The following CEP95 variants were observed in gnomAD, a reference collection of about 807,000 sequenced individuals.
The protein encoded by CEP95 is centrosomal protein 95, also known as centrosomal protein of 95 kDa.
CEP95 carries 98 observed loss-of-function variants against 111.2 expected under a neutral mutation model. That is an observed-to-expected ratio of 0.88 (90% CI 0.75 to 1.04). The LOEUF is 1.04. Among genes scored for constraint, CEP95 ranks in the 50% least tolerant of loss-of-function variants. CEP95 has a pLI of 0.00. For missense variants in CEP95, 1,027 were observed against 977.2 expected (o/e 1.05, Z -0.68); for synonymous variants, 323 against 327.1 (o/e 0.99, Z 0.14).
intron 5 of CEP95, 68 bp downstream of exon 5, chr17:64,516,896 A>C (rs1428699504): frequency 1.1e-6 from 1 of 874,878 alleles, no homozygotes. Context: ...TTAAAATCAC[A>C]CGTAATATAC....
rs561799585 is a variant in CEP95 at position 64,532,032 on chromosome 17, A to G, written c.1672+10A>G. On this transcript the variant is annotated intron_variant, in intron 14 of 19. Transcript: ENST00000556440. ...AATAAAGCAGTTCCAAGTAAGAACC[A>G]CAGAATTGTACTTTATGGAAAACTG... is the stretch of plus-strand genomic sequence containing the variant. 1.9e-5 allele frequency: 30 copies of G among 1,550,982 alleles called. No homozygotes were observed. In the East Asian group the frequency reaches 6.5e-4, roughly 33 times the overall value.
At position 64,516,756 on chromosome 17, in the gene CEP95, G is replaced by A. The variant is rs376238247; in HGVS notation, c.401G>A (p.Arg134Gln). The change falls in exon 5 of 20, where the codon CGA (arginine) becomes CAA (glutamine). Residue 134 changes from arginine (R) to glutamine (Q), a missense_variant. Transcript: ENST00000556440. ...GAACAGTATTTTAAAGAATCTGATC[G>A]AGGAGAACGTTTGGAAGAGCCAGAA... The part of the protein sequence containing the change: ...ETEQYFKESD[R>Q]GERLEEPEST... 159 of 1,612,002 alleles carry A rather than the reference G, an allele frequency of 9.9e-5. No individual in the cohort carries two copies. The African/African-American group carries it at 1.5e-3, about 15-fold the overall frequency.
intron 3 of CEP95, among the ~76,000 whole-genome samples, chr17:64,510,483 T>C (rs1456904634): frequency 1.3e-5 from 2 of 152,202 alleles, no homozygotes; most frequent in African/African-American, 2.4e-5. Context: ...TTGCAATTGA[T>C]CTGGGTCTGA....
intron 16 of CEP95, among the ~76,000 whole-genome samples, chr17:64,533,397 C>G (rs1968425607): frequency 6.6e-6 from 1 of 152,030 alleles, no homozygotes; most frequent in Non-Finnish European, 1.5e-5. Flanking sequence ...TCACTTGAGA[C>G]CAGCCTCAGC....
rs782723967 is a variant in CEP95 at position 64,526,144 on chromosome 17, C to A, written c.1096C>A (p.Gln366Lys). 2.5e-6 allele frequency: 4 copies of A among 1,613,428 alleles called. No homozygotes were observed. The Admixed American group carries it at 6.7e-5, about 27-fold the overall frequency. The change falls in exon 10 of 20, where the codon CAA becomes AAA. Residue 366 changes from glutamine (Q) to lysine (K), a missense_variant. Physicochemically the swap from Gln to Lys is moderately conservative, Grantham distance 53 (BLOSUM62 1). Coordinates refer to ENST00000556440, the MANE Select transcript of CEP95 (RefSeq NM_138363.3). ...GAGGCCAAGAAAGAGATTAACAGAA[C>A]AAGAATTACATGATGTATCAGAAAA... ...PQRPRKRLTEQELHDVSEKLS... is the reference protein window; with the variant it reads ...PQRPRKRLTEKELHDVSEKLS...
intron 13 of CEP95, among the ~76,000 whole-genome samples, chr17:64,531,283 TAGC>T (rs1466836870): frequency 3.3e-5 from 5 of 152,340 alleles, no homozygotes; most frequent in African/African-American, 1.2e-4. Flanking sequence ...TTATTTGACT[TAGC>T]AGTTCACCAG....
At chr17:64,509,195 A>T (rs1214492904) in intron 2 of CEP95, among the ~76,000 whole-genome samples, 1 of 152,212 alleles carries the variant, frequency 6.6e-6, no homozygotes, top group Non-Finnish European at 1.5e-5. Context: ...AAGACAGTTA[A>T]TAAGCGCATA....
At chr17:64,527,059 T>C in intron 10 of CEP95, 52 bp from the exon 11 acceptor site, 1 of 1,531,314 alleles carries the variant, frequency 6.5e-7, no homozygotes, top group Non-Finnish European at 9.0e-7. Context: ...CTCCTACGAA[T>C]TTACATTCTG....
In CEP95 at chr17:64,537,666, G is replaced by T; in HGVS notation, c.2353G>T (p.Asp785Tyr). ...GGAGAAGGAAATTCAGCAGCTGCAG[G>T]ACATGATAACACAGAATGATGATGA... ...KMEKEIQQLQ[D>Y]MITQNDDDVF... Residue 785 changes from aspartate to tyrosine, a missense_variant, in exon 20 of 20, where the codon GAC becomes TAC. Coordinates refer to ENST00000556440, the MANE Select transcript of CEP95 (RefSeq NM_138363.3). 1 of 1,613,382 alleles carries T rather than the reference G, an allele frequency of 6.2e-7. No homozygotes were observed. The highest frequency in any genetic ancestry group is 8.5e-7 in the Non-Finnish European group (1 of 1,179,540).
chr17:64,534,620 G>T lies in CEP95; in HGVS notation c.1953G>T (p.Leu651Phe). 1 of 1,613,318 alleles carries T rather than the reference G, an allele frequency of 6.2e-7. No individual in the cohort carries two copies. The highest frequency in any genetic ancestry group is 1.1e-5 in the South Asian group (1 of 91,060). Residue 651 changes from leucine to phenylalanine, a missense_variant, in exon 17 of 20, where the codon TTG (leucine) becomes TTT (phenylalanine). Coordinates refer to ENST00000556440, the MANE Select transcript of CEP95 (RefSeq NM_138363.3). ...DFKDCIRRQRLTQSKIKENRQ... is the reference protein window; with the variant it reads ...DFKDCIRRQRFTQSKIKENRQ... ...AGGACTGCATTCGTAGGCAAAGGTT[G>T]ACCCAATCAAAGATAAAAGAAAATC...
chr17:64,520,769 C>T (rs1469307420), intron 6 of CEP95, among the ~76,000 whole-genome samples: 10 of 152,118 alleles, frequency 6.6e-5, no homozygotes, highest in Non-Finnish European at 1.5e-4. Context: ...CTAGCTAAGA[C>T]CCTAACTCTG....
chr17:64,531,398 A>G (rs1207254430), intron 13 of CEP95, among the ~76,000 whole-genome samples: 4 of 152,248 alleles, frequency 2.6e-5, no homozygotes, highest in African/African-American at 9.6e-5. Flanking sequence ...CCAAAACAGA[A>G]GTTTTCATTG....
chr17:64,521,602 T>G, intron 7 of CEP95, 75 bp downstream of exon 7: 1 of 1,383,168 alleles, frequency 7.2e-7, no homozygotes, highest in South Asian at 1.4e-5. Flanking sequence ...ATTAGCCTTT[T>G]TACTTTTATT....
chr17:64,517,462 T>C (rs1332549062), intron 5 of CEP95, among the ~76,000 whole-genome samples: 1 of 152,338 alleles, frequency 6.6e-6, no homozygotes, highest in Non-Finnish European at 1.5e-5. Context: ...AACATTTTGT[T>C]AAATTTTTTA....
Position 64,513,894 on chromosome 17 carries a change from G to T in CEP95, c.257-354G>T, listed in dbSNP as rs552861297. 4.6e-5 allele frequency among the ~76,000 whole-genome samples: 7 copies of T among 152,190 alleles called. No homozygotes were observed. The South Asian group carries it at 1.5e-3, about 32-fold the overall frequency. On this transcript the variant is annotated intron_variant, in intron 3 of 19. Coordinates refer to ENST00000556440, the MANE Select transcript of CEP95 (RefSeq NM_138363.3). Reference sequence around the variant, plus strand: ...TTTCCCACCAATCTGGTAAAGTTCTGTTTAGCTGCAATATATTTTGGTATA... The same window carrying T: ...TTTCCCACCAATCTGGTAAAGTTCTTTTTAGCTGCAATATATTTTGGTATA...
At chr17:64,527,861 TG>T (rs1568147230) in intron 11 of CEP95, among the ~76,000 whole-genome samples, 89 of 134,298 alleles carry the variant, frequency 6.6e-4, no homozygotes, top group African/African-American at 2.4e-3. Context: ...AATGTGTGTG[TG>T]TGTGTGTGTA....
chr17:64,529,501 C>A, intron 12 of CEP95, 74 bp downstream of exon 12: 1 of 1,467,106 alleles, frequency 6.8e-7, no homozygotes, highest in Non-Finnish European at 9.4e-7. Flanking sequence ...CTACCATGAA[C>A]ATGCTGTTGA....
At chr17:64,528,133 G>A (rs1230451339) in intron 11 of CEP95, among the ~76,000 whole-genome samples, 3 of 152,042 alleles carry the variant, frequency 2.0e-5, no homozygotes, top group Non-Finnish European at 2.9e-5. Flanking sequence ...CTGGTTTGCC[G>A]TGTCTTTGCA....
At chr17:64,531,572 C>G (rs1355416867) in intron 13 of CEP95, among the ~76,000 whole-genome samples, 1 of 152,018 alleles carries the variant, frequency 6.6e-6, no homozygotes, top group Non-Finnish European at 1.5e-5. Context: ...AAGAGAAGTA[C>G]ATTGAAACAT....
Sources: allele counts gnomAD v4.1 joint callset (sites outside exome capture counted in the v4.1 genomes callset), GRCh38; gene constraint gnomAD v4.1.1; transcripts MANE v1.5; gene names NCBI Gene and HGNC (gene_info 2026-07-23, HGNC 2026-07-21).